The following HOOK2 variants were observed in gnomAD, a reference collection of about 807,000 sequenced individuals.
HOOK2 encodes the protein hook microtubule tethering protein 2, also known as protein Hook homolog 2.
Under a neutral mutation model 111.9 loss-of-function variants are expected in HOOK2, and 108 were observed. That is an observed-to-expected ratio of 0.96 (90% CI 0.83 to 1.13). The LOEUF (loss-of-function observed/expected upper bound fraction) is 1.13. Among genes scored for constraint, HOOK2 ranks in the 50% most tolerant of loss-of-function variants. HOOK2 has a pLI of 0.00. For missense variants in HOOK2, 978 were observed against 951.3 expected (o/e 1.03, Z -0.37); for synonymous variants, 405 against 394.3 (o/e 1.03, Z -0.32).
Position 12,763,537 on chromosome 19 carries a change from C to A in HOOK2, c.2001G>T (p.Trp667Cys). ...EQEEKLLISA[W>C]YNMGMALQQR... is the part of the protein sequence containing the mutation. ...CAGACCCCACACTTACCATATTATA[C>A]CAGGCACTGATGAGCAGCTTTTCTT... The change falls in exon 22 of 23, where the codon TGG becomes TGT. Residue 667 changes from tryptophan (W) to cysteine (C), a missense_variant. By Grantham distance (215) the Trp-to-Cys change is radical. Transcript: ENST00000397668. 1 of 1,614,210 alleles carries A rather than the reference C, an allele frequency of 6.2e-7. No homozygotes were observed. Among genetic ancestry groups the A allele is most frequent in the Non-Finnish European group, 8.5e-7 (1 of 1,180,044 alleles).
Position 12,791,536 on chromosome 19 carries a change from G to C in HOOK2, n.42-17311C>G, listed in dbSNP as rs1286679114. Reference sequence around the variant, plus strand: ...CCTCGGAGCCAGCAGGGAGCTGGGAGCTGGGGGAAACGACGCCAGGAAAGC... The same window carrying C: ...CCTCGGAGCCAGCAGGGAGCTGGGACCTGGGGGAAACGACGCCAGGAAAGC... On this transcript the variant is annotated intron_variant and non_coding_transcript_variant, in intron 3 of 3. Transcript: ENST00000589765. The surrounding 1 kb of genome is among the most constrained non-coding windows in gnomAD (Gnocchi z 7.0). 20 of 478,818 alleles carry C rather than the reference G, an allele frequency of 4.2e-5. No individual in the cohort carries two copies. Among genetic ancestry groups the C allele is most frequent in the Non-Finnish European group, 6.6e-5 (18 of 272,344 alleles). 29.7% of individuals were successfully genotyped at this position (478,818 alleles called of 1,614,324 possible).
chr19:12,788,405 AAAT>A (rs764814917), intron 3 of HOOK2, among the ~76,000 whole-genome samples: 8 of 152,180 alleles, frequency 5.3e-5, no homozygotes, highest in African/African-American at 7.2e-5. Context: ...TTGGCTATTA[AAAT>A]AATAATTATT....
intron 3 of HOOK2, among the ~76,000 whole-genome samples, chr19:12,783,505 C>G (rs1330602305): frequency 6.6e-6 from 1 of 152,048 alleles, no homozygotes; most frequent in Non-Finnish European, 1.5e-5. Context: ...CGGCGCCCCC[C>G]TCGAGCCTGG....
At chr19:12,765,765 A>G (rs751216567) in intron 17 of HOOK2, 41 bp from the exon 18 acceptor site, 30 of 1,614,130 alleles carry the variant, frequency 1.9e-5, no homozygotes, top group Admixed American at 3.3e-5. Context: ...GGATCCAGAG[A>G]GGCCCTAATT....
intron 22 of HOOK2, 34 bp downstream of exon 22, chr19:12,763,494 C>T (rs1968056810): frequency 1.9e-6 from 3 of 1,613,948 alleles, no homozygotes; most frequent in Non-Finnish European, 2.5e-6. Context: ...AATATTCTAC[C>T]CATGAGATCT....
upstream of HOOK2, chr19:12,775,604 A>C: frequency 3.6e-6 from 2 of 559,188 alleles, no homozygotes; most frequent in Non-Finnish European, 5.0e-6. Flanking sequence ...CCCGCCCCCA[A>C]GCCCAGGCTC....
upstream of HOOK2, among the ~76,000 whole-genome samples, chr19:12,779,071 A>T (rs1376191670): frequency 2.0e-5 from 3 of 152,118 alleles, no homozygotes; most frequent in African/African-American, 7.2e-5. Context: ...GTTTTGGGGG[A>T]TGGTCTGAAG....
In HOOK2 at chr19:12,791,979, T is replaced by C. The variant is rs774203546; in HGVS notation, n.42-17754A>G. Reference sequence around the variant, plus strand: ...GGGCGGCGGTGGCGGCAGCTACTTTTCTGGTCAGGGCTCGGACACCGGCGC... The same window carrying C: ...GGGCGGCGGTGGCGGCAGCTACTTTCCTGGTCAGGGCTCGGACACCGGCGC... On this transcript the variant is annotated intron_variant and non_coding_transcript_variant, in intron 3 of 3. Coordinates refer to the HOOK2 transcript ENST00000589765. This position sits in a 1 kb window ranked among gnomAD's most constrained non-coding sequence, Gnocchi z 7.0. The C allele has an allele frequency of 1.2e-6, 2 of 1,611,550 alleles. No homozygotes were observed. The highest frequency in any genetic ancestry group is 2.2e-5 in the South Asian group (2 of 90,958).
In HOOK2 at chr19:12,763,389, C is replaced by T. The variant is rs928461116; in HGVS notation, c.2053G>A (p.Ala685Thr). Residue 685 changes from alanine to threonine, a missense_variant, in exon 23 of 23, where the codon GCC becomes ACC. Coordinates refer to ENST00000397668, the MANE Select transcript of HOOK2 (RefSeq NM_013312.3). ...QQRAGEERAP[A>T]HAQSFLAQQR... ...TGTGCCAGGAATGACTGGGCATGGG[C>T]AGGCGCCCGCTCCTCCCCAGCTCGC... 2 of 1,614,074 alleles carry T rather than the reference C, an allele frequency of 1.2e-6. No homozygotes were observed. The highest frequency in any genetic ancestry group is 1.7e-5 in the Admixed American group (1 of 60,030).
chr19:12,765,628 G>T, intron 18 of HOOK2, 62 bp downstream of exon 18: 1 of 1,598,254 alleles, frequency 6.3e-7, no homozygotes, highest in East Asian at 2.2e-5. Flanking sequence ...ACATGCCTAA[G>T]AAACTCCCCA....
In HOOK2 at chr19:12,772,547, C is replaced by A. The variant is rs1321112979; in HGVS notation, c.456+66G>T. ...ACCAGGGCAGGACCTGTGCCCAGTT[C>A]TCTCTGCCCTAGAGATGTCCCCTCT... On this transcript the variant is annotated intron_variant, in intron 6 of 22. Coordinates refer to ENST00000397668, the MANE Select transcript of HOOK2 (RefSeq NM_013312.3). 7.1e-6 allele frequency: 11 copies of A among 1,547,256 alleles called. No homozygotes were observed. In the Admixed American group the frequency reaches 1.9e-4, roughly 26 times the overall value.
upstream of HOOK2, among the ~76,000 whole-genome samples, chr19:12,780,047 G>A (rs1318768351): frequency 6.6e-6 from 1 of 152,142 alleles, no homozygotes; most frequent in Non-Finnish European, 1.5e-5. Context: ...CTACTCAGGA[G>A]GTTGAGGCAA....
At chr19:12,776,673 C>CAAAA (rs59092661), upstream of HOOK2, among the ~76,000 whole-genome samples, 112 of 95,772 alleles carry the variant, frequency 1.2e-3, no homozygotes, top group Middle Eastern at 0.011. Flanking sequence ...CAAGACTCCT[C>CAAAA]AAAAAAAAAA....
In HOOK2 at chr19:12,763,162, A is replaced by T. The variant is rs974379696; in HGVS notation, c.*120T>A. 1 of 976,238 alleles carries T rather than the reference A, an allele frequency of 1.0e-6. No homozygotes were observed. The highest frequency in any genetic ancestry group is 1.6e-5 in the African/African-American group (1 of 61,056). The allele number at this position is 976,238 out of a possible 1,614,324, so 60.5% of individuals were successfully genotyped here. A position where few individuals can be genotyped will look rare whatever the true frequency, so the allele number is the denominator to read the frequency against. On this transcript the variant is annotated 3_prime_UTR_variant, in exon 23 of 23. Coordinates refer to ENST00000397668, the MANE Select transcript of HOOK2 (RefSeq NM_013312.3). ...CCTCCCCACCAATCTGGGAGAGGGAAGAGCAGAGATCATGGCCTCAAAGCT... is the reference window on the plus strand; with the variant it reads ...CCTCCCCACCAATCTGGGAGAGGGATGAGCAGAGATCATGGCCTCAAAGCT...
chr19:12,775,563 C>A, upstream of HOOK2: 1 of 1,047,296 alleles, frequency 9.5e-7, no homozygotes, highest in Non-Finnish European at 1.3e-6. Flanking sequence ...AGAGCGCCGC[C>A]CCGCCCCGCC....
upstream of HOOK2, among the ~76,000 whole-genome samples, chr19:12,779,435 C>T (rs1424396774): frequency 6.6e-6 from 1 of 152,102 alleles, no homozygotes; most frequent in Non-Finnish European, 1.5e-5. Flanking sequence ...CCCCCTACAG[C>T]CCAGATATTG....
In HOOK2 at chr19:12,771,230, G is replaced by A. The variant is rs1354723664; in HGVS notation, c.690C>T (p.Thr230=). 1 of 1,611,152 alleles carries A rather than the reference G, an allele frequency of 6.2e-7. No individual in the cohort carries two copies. The highest frequency in any genetic ancestry group is 1.7e-5 in the Admixed American group (1 of 59,474). The part of the protein sequence containing the change: ...ERMGRPEGEG[T]PGLTAKKLLL... ...GCAGCTTCTTGGCAGTGAGACCTGG[G>A]GTACCCTCGCCTTCAGGCCGGCCCA... Residue 230 remains threonine, a synonymous_variant, in exon 9 of 23, where the codon ACC becomes ACT. Coordinates refer to ENST00000397668, the MANE Select transcript of HOOK2 (RefSeq NM_013312.3).
upstream of HOOK2, among the ~76,000 whole-genome samples, chr19:12,777,428 C>G (rs1214389144): frequency 6.6e-6 from 1 of 152,098 alleles, no homozygotes; most frequent in Non-Finnish European, 1.5e-5. Flanking sequence ...TGCAGTGAGC[C>G]GTGGTCGCGC....
chr19:12,769,947 T>C lies in HOOK2; in HGVS notation c.1038A>G (p.Arg346=). ...ERNAGHAERT[R]QLEDELRRAG... ...CTCGGCGTAGCTCATCCTCCAGTTG[T>C]CGCGTGCGCTCGGCGTGGCCGGCGT... The change falls in exon 11 of 23, where the codon CGA becomes CGG. Residue 346 remains arginine, a synonymous_variant. Coordinates refer to ENST00000397668, the MANE Select transcript of HOOK2 (RefSeq NM_013312.3). 6.4e-7 allele frequency: 1 copy of C among 1,556,812 alleles called. No individual in the cohort carries two copies. Among genetic ancestry groups the C allele is most frequent in the South Asian group, 1.2e-5 (1 of 85,068 alleles).
Sources: allele counts gnomAD v4.1 joint callset (sites outside exome capture counted in the v4.1 genomes callset), GRCh38; gene constraint gnomAD v4.1.1; non-coding constraint Gnocchi (gnomAD v3.1); transcripts MANE v1.5; gene names NCBI Gene and HGNC (gene_info 2026-07-23, HGNC 2026-07-21).